The following KCTD19 variants were observed in gnomAD, a reference collection of about 807,000 sequenced individuals.
KCTD19 encodes the protein BTB/POZ domain-containing protein KCTD19.
A neutral mutation model predicts 103.5 loss-of-function variants in KCTD19; 67 were observed. That is an observed-to-expected ratio of 0.65 (90% confidence interval 0.53 to 0.79). KCTD19 has a LOEUF of 0.79. Ranked by LOEUF, KCTD19 falls within the 30% of genes least tolerant of loss-of-function variation. KCTD19 has a pLI of 0.00. For synonymous variants in KCTD19, 439 were observed against 452.2 expected (o/e 0.97, Z 0.37); for missense variants, 980 against 1,136.1 (o/e 0.86, Z 1.98).
chr16:67,307,558 G>A (rs937972275), intron 2 of KCTD19, among the ~76,000 whole-genome samples: 3 of 151,326 alleles, frequency 2.0e-5, no homozygotes, highest in African/African-American at 4.9e-5. Context: ...TCAAGTGATC[G>A]GCCTGCTTCA....
intron 2 of KCTD19, among the ~76,000 whole-genome samples, chr16:67,315,606 C>T (rs1478295263): frequency 6.6e-6 from 1 of 152,128 alleles, no homozygotes; most frequent in East Asian, 1.9e-4. Context: ...CTCAGCCTCC[C>T]AAGTAGCTGG....
Position 67,295,290 on chromosome 16 carries a change from C to T in KCTD19, c.1364G>A (p.Gly455Asp), listed in dbSNP as rs745609996. ...AAATTCAGATGGTAAAAACAGTTTG[C>T]CAAGTCTCAGGAAGTTGAGAATGTG... ...FRHILNFLRL[G>D]KLFLPSEFKE... Residue 455 changes from glycine to aspartate, a missense_variant, in exon 9 of 16, where the codon GGC (glycine) becomes GAC (aspartate). Coordinates refer to ENST00000304372, the MANE Select transcript of KCTD19 (RefSeq NM_001100915.3). 7 of 1,614,132 alleles carry T rather than the reference C, an allele frequency of 4.3e-6. No individual in the cohort carries two copies. The highest frequency in any genetic ancestry group is 5.9e-6 in the Non-Finnish European group (7 of 1,180,020).
Position 67,293,988 on chromosome 16 carries a change from G to C in KCTD19, c.1774C>G (p.Arg592Gly), listed in dbSNP as rs773746023. The C allele has an allele frequency of 1.9e-6, 3 of 1,613,992 alleles. No individual in the cohort carries two copies. Among genetic ancestry groups the C allele is most frequent in the Admixed American group, 1.7e-5 (1 of 59,998 alleles). Residue 592 changes from arginine to glycine, a missense_variant, in exon 12 of 16, where the codon CGT (arginine) becomes GGT (glycine). By Grantham distance (125) the Arg-to-Gly change is moderately radical (BLOSUM62 -2). Coordinates refer to ENST00000304372, the MANE Select transcript of KCTD19 (RefSeq NM_001100915.3). The surrounding 1 kb of genome is among the most constrained non-coding windows in gnomAD (Gnocchi z 4.0). ...TGTCCAGGATTGGTACACAAGCCAC[G>C]GCAGTGTGAGTATGTGCTAGGGTTG... ...AGNPSTYSHC[R>G]GLCTNPGHWG...
intron 7 of KCTD19, 103 bp from the exon 8 acceptor site, chr16:67,296,362 T>G: frequency 2.7e-6 from 2 of 749,942 alleles, no homozygotes. Flanking sequence ...CTCAATATCT[T>G]TCCTCAGTCA....
chr16:67,298,823 A>G (rs1371022279), intron 6 of KCTD19, among the ~76,000 whole-genome samples: 1 of 152,186 alleles, frequency 6.6e-6, no homozygotes, highest in East Asian at 1.9e-4. Flanking sequence ...CATCTACAAA[A>G]CAGGGTTGGA....
chr16:67,320,997 T>C lies in KCTD19; in HGVS notation c.4-112A>G. 4 of 956,320 alleles carry C rather than the reference T, an allele frequency of 4.2e-6. No individual in the cohort carries two copies. In the South Asian group the frequency reaches 5.3e-5, roughly 13 times the overall value. The allele number at this position is 956,320 out of a possible 1,614,324, so 59.2% of individuals were successfully genotyped here. A position where few individuals can be genotyped will look rare whatever the true frequency, so the allele number is the denominator to read the frequency against. On this transcript the variant is annotated intron_variant, in intron 1 of 15. Transcript: ENST00000304372. This position sits in a 1 kb window ranked among gnomAD's most constrained non-coding sequence, Gnocchi z 4.0. ...TTTGCTGATGACATGATCTTGTATA[T>C]AAAAAATCCTAAGGAATTCACCAGA...
chr16:67,314,875 G>GAGA (rs1567453832), intron 2 of KCTD19, among the ~76,000 whole-genome samples: 104 of 52,540 alleles, frequency 2.0e-3, no homozygotes, highest in African/African-American at 2.7e-3. Context: ...AGAGAGAGAG[G>GAGA]GGAAGGGTCT....
Position 67,295,032 on chromosome 16 carries a change from C to T in KCTD19, c.1416G>A (p.Glu472=). The stretch of plus-strand genomic sequence containing the variant: ...GGGATGGAATGTGGTATTCCTCCAC[C>T]TCCTGGCAGAAGAGGGGCCATTCCC... ...EFKEWPLFCQ[E]VEEYHIPSLS... Residue 472 remains glutamate (E), a synonymous_variant, in exon 10 of 16, where the codon GAG becomes GAA. Transcript: ENST00000304372. The T allele has an allele frequency of 1.9e-6, 3 of 1,614,086 alleles. No homozygotes were observed. The highest frequency in any genetic ancestry group is 4.5e-5 in the East Asian group (2 of 44,888).
At chr16:67,317,653 T>C (rs951822270) in intron 2 of KCTD19, among the ~76,000 whole-genome samples, 4 of 152,238 alleles carry the variant, frequency 2.6e-5, no homozygotes, top group Admixed American at 1.3e-4. Context: ...GAATATACAG[T>C]TAATATTTTG....
chr16:67,303,383 G>A lies in KCTD19; in HGVS notation c.452-46C>T, dbSNP rs1231426804. Reference sequence around the variant, plus strand: ...AGTGTTGCCACCTCTCAGAAGCCAGGGATCTGATTCCAGCAGGGCTTTCAC... The same window carrying A: ...AGTGTTGCCACCTCTCAGAAGCCAGAGATCTGATTCCAGCAGGGCTTTCAC... On this transcript the variant is annotated intron_variant, in intron 3 of 15. Coordinates refer to ENST00000304372, the MANE Select transcript of KCTD19 (RefSeq NM_001100915.3). This position sits in a 1 kb window ranked among gnomAD's most constrained non-coding sequence, Gnocchi z 4.3. 2 of 1,536,648 alleles carry A rather than the reference G, an allele frequency of 1.3e-6. No homozygotes were observed. The highest frequency in any genetic ancestry group is 3.8e-5 in the Admixed American group (2 of 52,554).
chr16:67,305,576 C>T (rs550484434), intron 2 of KCTD19: 30 of 455,440 alleles, frequency 6.6e-5, no homozygotes, highest in Admixed American at 1.4e-4. Flanking sequence ...GTCTTCGTGC[C>T]GCCCTTACCC....
intron 7 of KCTD19, 99 bp from the exon 8 acceptor site, chr16:67,296,358 A>G: frequency 1.3e-6 from 1 of 761,154 alleles, no homozygotes; most frequent in Non-Finnish European, 2.4e-6. Context: ...AAGTCTCAAT[A>G]TCTTTCCTCA....
chr16:67,296,495 A>C (rs1181517661), intron 7 of KCTD19, among the ~76,000 whole-genome samples: 1 of 152,172 alleles, frequency 6.6e-6, no homozygotes, highest in East Asian at 1.9e-4. Flanking sequence ...CTCCTCCCTC[A>C]GGAAAGCTGG....
Position 67,303,457 on chromosome 16 carries a change from C to A in KCTD19, c.452-120G>T. 3 of 675,806 alleles carry A rather than the reference C, an allele frequency of 4.4e-6. No homozygotes were observed. The South Asian group carries it at 6.5e-5, about 15-fold the overall frequency. 41.9% of individuals were successfully genotyped at this position (675,806 alleles called of 1,614,324 possible). ...CTAGAGAGACCCCCCAGGATATGGT[C>A]CTTGCCACTTGCCAGACACATCTTC... On this transcript the variant is annotated intron_variant, in intron 3 of 15. Transcript: ENST00000304372. This position sits in a 1 kb window ranked among gnomAD's most constrained non-coding sequence, Gnocchi z 4.3.
At chr16:67,302,337 G>A in intron 4 of KCTD19, 1 of 196,956 alleles carries the variant, frequency 5.1e-6, no homozygotes, top group East Asian at 1.4e-4. Context: ...TGCCTGGACT[G>A]CAGTATGGGA....
intron 12 of KCTD19, among the ~76,000 whole-genome samples, chr16:67,292,046 G>T (rs910665569): frequency 1.3e-5 from 2 of 152,086 alleles, no homozygotes; most frequent in African/African-American, 4.8e-5. Context: ...GCTAATTTTT[G>T]TATTTTTGGT....
At chr16:67,326,672 C>T in intron 1 of KCTD19, 33 bp downstream of exon 1, 2 of 1,578,176 alleles carry the variant, frequency 1.3e-6, no homozygotes, top group South Asian at 1.1e-5. Context: ...CGCTTTGGTG[C>T]TTTTGGCGCC....
In KCTD19 at chr16:67,294,061, G is replaced by A. The variant is rs1028734319; in HGVS notation, c.1701C>T (p.Tyr567=). 4 of 1,614,076 alleles carry A rather than the reference G, an allele frequency of 2.5e-6. No individual in the cohort carries two copies. The highest frequency in any genetic ancestry group is 1.7e-5 in the Admixed American group (1 of 60,006). ...ATAGGGACACCTGGATGGGCCGAGT[G>A]TACTGCTCAGCCTCATCCATCTGGT... ...RSNQMDEAEQ[Y]TRPIQVSLCR... Residue 567 remains tyrosine (Y), a synonymous_variant, in exon 12 of 16, where the codon TAC becomes TAT. Transcript: ENST00000304372.
At chr16:67,306,009 G>A (rs1465647952) in intron 2 of KCTD19, among the ~76,000 whole-genome samples, 2 of 152,206 alleles carry the variant, frequency 1.3e-5, no homozygotes, top group Non-Finnish European at 2.9e-5. Flanking sequence ...TGGTGGGATC[G>A]TGGGGAGTGC....
Sources: gnomAD v4.1 joint callset for allele counts (sites outside exome capture counted in the v4.1 genomes callset) on GRCh38, gnomAD v4.1.1 for gene constraint, Gnocchi (gnomAD v3.1) non-coding constraint, MANE v1.5 for transcripts, NCBI Gene and HGNC (gene_info 2026-07-23, HGNC 2026-07-21) for gene names.